ZNF714: variants seen among roughly 807,000 people sequenced by gnomAD.
ZNF714 encodes the protein zinc finger protein 714.
In ZNF714, 32 loss-of-function variants were observed where a neutral mutation model predicts 46.2. That is an observed-to-expected ratio of 0.69 (90% confidence interval 0.52 to 0.93). The LOEUF (loss-of-function observed/expected upper bound fraction) is 0.93. ZNF714 is among the 40% of genes least tolerant of loss of function. The pLI is 0.00. For missense variants in ZNF714, 635 were observed against 646.3 expected (o/e 0.98, Z 0.19); for synonymous variants, 199 against 213.1 (o/e 0.93, Z 0.58).
At chr19:21,104,136 T>TA (rs1198079591) in intron 4 of ZNF714, among the ~76,000 whole-genome samples, 4 of 152,238 alleles carry the variant, frequency 2.6e-5, no homozygotes, top group African/African-American at 9.6e-5. Context: ...TATGGGCTTA[T>TA]TTCCCATGAC....
rs1969706607 is a variant in ZNF714 at position 21,121,745 on chromosome 19, G to A, written c.*3413G>A. 6.6e-6 allele frequency: 1 copy of A among 152,186 alleles called. No individual in the cohort carries two copies. 9.4% of individuals were successfully genotyped at this position (152,186 alleles called of 1,614,324 possible). ...AAAGCAAATGTATACTTTGTGCTTTGTATTGAATTTATTACTGTACAATCC... is the reference window on the plus strand; with the variant it reads ...AAAGCAAATGTATACTTTGTGCTTTATATTGAATTTATTACTGTACAATCC... On this transcript the variant is annotated 3_prime_UTR_variant, in exon 5 of 5. Coordinates refer to ENST00000456283, the MANE Select transcript of ZNF714 (RefSeq NM_182515.4).
chr19:21,098,346 C>T (rs1430421575), intron 3 of ZNF714, 35 bp downstream of exon 3: 1 of 1,589,316 alleles, frequency 6.3e-7, no homozygotes, highest in South Asian at 1.2e-5. Context: ...TCTTAATATA[C>T]CCTAAACGTT....
intron 2 of ZNF714, among the ~76,000 whole-genome samples, chr19:21,089,454 G>A (rs1001582512): frequency 6.6e-6 from 1 of 152,200 alleles, no homozygotes; most frequent in Non-Finnish European, 1.5e-5. Flanking sequence ...AAAATTCAAG[G>A]TGGTTTCTGG....
At chr19:21,105,699 A>G (rs1189210307) in intron 4 of ZNF714, among the ~76,000 whole-genome samples, 1 of 152,092 alleles carries the variant, frequency 6.6e-6, no homozygotes, top group East Asian at 1.9e-4. Flanking sequence ...TCATGCCTAT[A>G]ATCTCAGCAC....
At chr19:21,107,050 C>A (rs1043533998) in intron 4 of ZNF714, among the ~76,000 whole-genome samples, 1 of 152,098 alleles carries the variant, frequency 6.6e-6, no homozygotes, top group African/African-American at 2.4e-5. Context: ...TGGTCTCGAT[C>A]CCCTGACCTC....
Position 21,083,964 on chromosome 19 carries a change from A to G in ZNF714, c.-176-14A>G. The G allele has an allele frequency of 1.6e-6, 2 of 1,271,766 alleles. No homozygotes were observed. The highest frequency in any genetic ancestry group is 2.0e-6 in the Non-Finnish European group (2 of 977,958). 78.8% of individuals were successfully genotyped at this position (1,271,766 alleles called of 1,614,324 possible). The stretch of plus-strand genomic sequence containing the variant: ...CCTAGTGAATATCAGCTTCTGGTTT[A>G]TTTTCTTCCATAGGGCGACCTGAGG... On this transcript the variant is annotated splice_polypyrimidine_tract_variant and intron_variant, in intron 1 of 4. Transcript: ENST00000456283.
chr19:21,104,806 G>A (rs1038263753), intron 4 of ZNF714, among the ~76,000 whole-genome samples: 1 of 151,266 alleles, frequency 6.6e-6, no homozygotes, highest in Non-Finnish European at 1.5e-5. Context: ...AGAAACGGGG[G>A]TTTTCACCAT....
chr19:21,115,597 C>T (rs1360636029), intron 4 of ZNF714, among the ~76,000 whole-genome samples: 1 of 151,738 alleles, frequency 6.6e-6, no homozygotes, highest in African/African-American at 2.4e-5. Flanking sequence ...TTCTGGCCTG[C>T]AAAGCTTTTG....
At chr19:21,094,210 C>T (rs1226377349) in intron 2 of ZNF714, among the ~76,000 whole-genome samples, 3 of 152,090 alleles carry the variant, frequency 2.0e-5, no homozygotes, top group East Asian at 1.9e-4. Context: ...AGGCTAGCCT[C>T]GAACTCCTGA....
At chr19:21,111,659 A>G (rs931692498) in intron 4 of ZNF714, among the ~76,000 whole-genome samples, 1 of 152,172 alleles carries the variant, frequency 6.6e-6, no homozygotes, top group Non-Finnish European at 1.5e-5. Flanking sequence ...GTCTAGTGCT[A>G]GTTTTCAAGG....
At chr19:21,108,849 C>A in intron 4 of ZNF714, among the ~76,000 whole-genome samples, 1 of 152,146 alleles carries the variant, frequency 6.6e-6, no homozygotes, top group Non-Finnish European at 1.5e-5. Flanking sequence ...TTGATCTCTA[C>A]AATTATGTTG....
intron 2 of ZNF714, among the ~76,000 whole-genome samples, chr19:21,092,900 CTT>C (rs1368406631): frequency 7.7e-6 from 1 of 129,190 alleles, no homozygotes; most frequent in Non-Finnish European, 1.6e-5. Flanking sequence ...CTGCAAATAA[CTT>C]AAACTTTTTT....
intron 4 of ZNF714, among the ~76,000 whole-genome samples, chr19:21,115,830 T>A (rs1169470294): frequency 6.6e-6 from 1 of 151,752 alleles, no homozygotes; most frequent in Non-Finnish European, 1.5e-5. Context: ...TGATATTTTT[T>A]ACCTTTACAA....
chr19:21,121,009 C>T lies in ZNF714; in HGVS notation c.*2677C>T, dbSNP rs182236454. ...TCCTTTGTTTTACAAACAATCCAAA[C>T]CTACACTTTTTAAAAATTTTTTGTT... On this transcript the variant is annotated 3_prime_UTR_variant, in exon 5 of 5. Coordinates refer to ENST00000456283, the MANE Select transcript of ZNF714 (RefSeq NM_182515.4). 3 of 152,288 alleles carry T rather than the reference C, an allele frequency of 2.0e-5. No individual in the cohort carries two copies. The East Asian group carries it at 5.8e-4, about 29-fold the overall frequency. The allele number at this position is 152,288 out of a possible 1,614,324, so 9.4% of individuals were successfully genotyped here.
rs1454925870 is a variant in ZNF714 at position 21,119,236 on chromosome 19, C to G, written c.*904C>G. 8.8e-6 allele frequency: 3 copies of G among 342,466 alleles called. No homozygotes were observed. Among genetic ancestry groups the G allele is most frequent in the Admixed American group, 4.3e-5 (1 of 23,516 alleles). 21.2% of individuals were successfully genotyped at this position (342,466 alleles called of 1,614,324 possible). On this transcript the variant is annotated 3_prime_UTR_variant, in exon 5 of 5. Coordinates refer to ENST00000456283, the MANE Select transcript of ZNF714 (RefSeq NM_182515.4). ...TATCCAAGATGGTGAAACCCCATCT[C>G]TACTAAAAATACAACAATTAGCCGG...
intron 4 of ZNF714, among the ~76,000 whole-genome samples, chr19:21,103,721 T>C (rs1274736996): frequency 6.6e-6 from 1 of 152,010 alleles, no homozygotes; most frequent in Non-Finnish European, 1.5e-5. Context: ...CATTCGGAGA[T>C]TCCCTCTCTA....
intron 4 of ZNF714, among the ~76,000 whole-genome samples, chr19:21,101,067 C>T (rs1969169278): frequency 1.3e-5 from 2 of 152,078 alleles, no homozygotes; most frequent in African/African-American, 4.8e-5. Context: ...TCATACTATC[C>T]ACAAAAAGCA....
intron 4 of ZNF714, among the ~76,000 whole-genome samples, chr19:21,108,012 C>T (rs1009854659): frequency 7.2e-5 from 11 of 152,166 alleles, no homozygotes; most frequent in Admixed American, 4.6e-4. Context: ...CAACCTCAGC[C>T]TCCTTGACTC....
intron 4 of ZNF714, among the ~76,000 whole-genome samples, chr19:21,110,062 C>T (rs1969415729): frequency 6.6e-6 from 1 of 152,122 alleles, no homozygotes; most frequent in African/African-American, 2.4e-5. Flanking sequence ...AGATACACAT[C>T]CATGTATCTT....
Sources: allele counts gnomAD v4.1 joint callset (sites outside exome capture counted in the v4.1 genomes callset), GRCh38; gene constraint gnomAD v4.1.1; transcripts MANE v1.5; gene names NCBI Gene and HGNC (gene_info 2026-07-23, HGNC 2026-07-21).